CALCOCO2: variants seen among roughly 807,000 people sequenced by gnomAD.
The protein encoded by CALCOCO2 is calcium binding and coiled-coil domain 2, also known as calcium-binding and coiled-coil domain-containing protein 2.
A neutral mutation model predicts 62.5 loss-of-function variants in CALCOCO2; 42 were observed. The ratio of observed to expected loss-of-function variants is 0.67; its 90% CI spans 0.53 to 0.87. The LOEUF is 0.87. Ranked by LOEUF, CALCOCO2 falls within the 40% of genes least tolerant of loss-of-function variation. CALCOCO2 has a pLI of 0.00. For missense variants in CALCOCO2, 456 were observed against 515.0 expected, an observed-to-expected ratio of 0.89 and a Z score of 1.11; for synonymous variants, 167 against 173.0, an observed-to-expected ratio of 0.97 and a Z score of 0.27.
chr17:48,865,014 C>T lies in CALCOCO2; in HGVS notation c.*2009C>T, dbSNP rs1240987577. On this transcript the variant is annotated 3_prime_UTR_variant, in exon 13 of 13. Coordinates refer to ENST00000258947, the MANE Select transcript of CALCOCO2 (RefSeq NM_005831.5). ...AATCCAAATCAGTGAATACCATTTT[C>T]TGGTGAATTACCCACCCCTTTGCCC... 6.6e-6 allele frequency: 1 copy of T among 152,180 alleles called. No homozygotes were observed. The highest frequency in any genetic ancestry group is 1.5e-5 in the Non-Finnish European group (1 of 68,042). The allele number at this position is 152,180 out of a possible 1,614,324, so 9.4% of individuals were successfully genotyped here. A position where few individuals can be genotyped will look rare whatever the true frequency, so the allele number is the denominator to read the frequency against.
chr17:48,858,215 C>G (rs559228045), intron 10 of CALCOCO2, among the ~76,000 whole-genome samples: 1 of 152,098 alleles, frequency 6.6e-6, no homozygotes, highest in Admixed American at 6.6e-5. Context: ...CCCTCACTTT[C>G]TACTTTTGAT....
intron 2 of CALCOCO2, among the ~76,000 whole-genome samples, chr17:48,843,301 T>A (rs993455474): frequency 2.6e-5 from 4 of 152,178 alleles, no homozygotes; most frequent in Non-Finnish European, 4.4e-5. Context: ...TACACCATAA[T>A]GACAAATCTT....
chr17:48,836,432 G>A (rs1248882990), intron 1 of CALCOCO2, among the ~76,000 whole-genome samples: 1 of 152,168 alleles, frequency 6.6e-6, no homozygotes, highest in Non-Finnish European at 1.5e-5. Context: ...TAGCCCCAGA[G>A]TCACCCTTAC....
chr17:48,832,276 C>T lies in CALCOCO2; in HGVS notation c.-11+1198C>T, dbSNP rs139037207. 9.5e-4 allele frequency among the ~76,000 whole-genome samples: 144 copies of T among 152,310 alleles called. 2 individuals are homozygous for T. The East Asian group carries it at 0.016, about 17-fold the overall frequency. Reference sequence around the variant, plus strand: ...GAGCGTGGTGGCGGGCGCCTGTAATCCCAGCTACTTGGGAGGCTGAGGCAG... The same window carrying T: ...GAGCGTGGTGGCGGGCGCCTGTAATTCCAGCTACTTGGGAGGCTGAGGCAG... On this transcript the variant is annotated intron_variant, in intron 1 of 12. Transcript: ENST00000258947.
chr17:48,841,839 C>A lies in CALCOCO2; in HGVS notation c.132C>A (p.Phe44Leu), dbSNP rs200318833. Residue 44 changes from phenylalanine to leucine, a missense_variant, in exon 2 of 13, where the codon TTC becomes TTA. Coordinates refer to ENST00000258947, the MANE Select transcript of CALCOCO2 (RefSeq NM_005831.5). ...GGGACGTCACATGTCATTATACCTT[C>A]ACCCAGCATTTCATCCCTCGTCGAA... The part of the protein sequence containing the change: ...PGGDVTCHYT[F>L]TQHFIPRRKD... 1 of 1,613,244 alleles carries A rather than the reference C, an allele frequency of 6.2e-7. No homozygotes were observed. Among genetic ancestry groups the A allele is most frequent in the South Asian group, 1.1e-5 (1 of 90,960 alleles).
At chr17:48,846,088 T>C (rs2040049510) in intron 2 of CALCOCO2, 1 of 1,410,324 alleles carries the variant, frequency 7.1e-7, no homozygotes, top group Non-Finnish European at 9.6e-7. Context: ...TGGTAGTATC[T>C]GGCACCAGGT....
chr17:48,842,044 T>A, intron 2 of CALCOCO2, 157 bp downstream of exon 2: 1 of 467,936 alleles, frequency 2.1e-6, no homozygotes, highest in Non-Finnish European at 3.8e-6. Flanking sequence ...CTTCACACAT[T>A]AATGTGTGCT....
chr17:48,839,637 C>T (rs1244091233), intron 1 of CALCOCO2: 1 of 147,014 alleles, frequency 6.8e-6, no homozygotes, highest in Non-Finnish European at 1.5e-5. Context: ...GTGTAAGCCA[C>T]AGTGCCCGGC....
At chr17:48,850,400 T>A (rs923545874) in intron 5 of CALCOCO2, among the ~76,000 whole-genome samples, 1 of 152,148 alleles carries the variant, frequency 6.6e-6, no homozygotes, top group African/African-American at 2.4e-5. Context: ...GAGATTGCAG[T>A]GAGCCAAGAT....
chr17:48,856,906 G>A (rs763093392), intron 10 of CALCOCO2, among the ~76,000 whole-genome samples: 1 of 151,068 alleles, frequency 6.6e-6, no homozygotes, highest in African/African-American at 2.4e-5. Context: ...TCAAGTGATC[G>A]TCCTGCCACA....
At chr17:48,853,065 G>A in intron 9 of CALCOCO2, 53 bp downstream of exon 9, 1 of 1,227,278 alleles carries the variant, frequency 8.1e-7, no homozygotes, top group South Asian at 1.2e-5. Flanking sequence ...GGATGTAGAA[G>A]AAAAGGATAT....
chr17:48,863,244 C>T lies in CALCOCO2; in HGVS notation c.*239C>T, dbSNP rs995939527. 8.8e-6 allele frequency: 4 copies of T among 453,872 alleles called. No homozygotes were observed. Among genetic ancestry groups the T allele is most frequent in the Admixed American group, 3.4e-5 (1 of 29,282 alleles). The allele number at this position is 453,872 out of a possible 1,614,324, so 28.1% of individuals were successfully genotyped here. A position where few individuals can be genotyped will look rare whatever the true frequency, so the allele number is the denominator to read the frequency against. On this transcript the variant is annotated 3_prime_UTR_variant, in exon 13 of 13. Transcript: ENST00000258947. ...TAACTCTAGCTGTATCATCCTCTCA[C>T]CTGTCATTCTTCTGAGGGTCTCAGT... is the stretch of plus-strand genomic sequence containing the variant.
intron 3 of CALCOCO2, 35 bp from the exon 4 acceptor site, chr17:48,848,287 C>G (rs2040080270): frequency 1.9e-6 from 3 of 1,605,524 alleles, no homozygotes; most frequent in Non-Finnish European, 2.6e-6. Flanking sequence ...CTGAATAGAT[C>G]TTATTTTGGA....
chr17:48,853,283 C>A, intron 9 of CALCOCO2: 1 of 361,146 alleles, frequency 2.8e-6, no homozygotes, highest in East Asian at 5.4e-5. Flanking sequence ...AGGGCTCACA[C>A]AGAATAACCC....
chr17:48,861,174 C>T (rs976574824), intron 11 of CALCOCO2, among the ~76,000 whole-genome samples: 1 of 152,022 alleles, frequency 6.6e-6, no homozygotes. Flanking sequence ...TCGAGACAAG[C>T]GTGGCTAACG....
In CALCOCO2 at chr17:48,851,131, C is replaced by A; in HGVS notation, c.586C>A (p.Leu196Met). 1 of 1,611,426 alleles carries A rather than the reference C, an allele frequency of 6.2e-7. No homozygotes were observed. The highest frequency in any genetic ancestry group is 8.5e-7 in the Non-Finnish European group (1 of 1,177,710). ...TLQSINKKLE[L>M]KVKEQKDYWE... ...ACAGAGCATCAATAAGAAGTTGGAACTGAAAGTGAAAGAACAGAAGGACTA... is the reference window on the plus strand; with the variant it reads ...ACAGAGCATCAATAAGAAGTTGGAAATGAAAGTGAAAGAACAGAAGGACTA... Residue 196 changes from leucine to methionine, a missense_variant, in exon 6 of 13, where the codon CTG (leucine) becomes ATG (methionine). Leu to Met is a conservative substitution (Grantham distance 15). Around this residue, in one of 3 missense-constraint regions of CALCOCO2, gnomAD observed 236 missense variants for 225.3 expected, o/e 1.05. Coordinates refer to ENST00000258947, the MANE Select transcript of CALCOCO2 (RefSeq NM_005831.5).
Position 48,854,378 on chromosome 17 carries a change from T to TTTTATATATATA in CALCOCO2, c.912+1367_912+1368insTTATATATATAT, listed in dbSNP as rs1489635512. On this transcript the variant is annotated intron_variant, in intron 9 of 12. Coordinates refer to ENST00000258947, the MANE Select transcript of CALCOCO2 (RefSeq NM_005831.5). ...AGGTATGGATTTCCTTGGTTTTCTT[T>TTTTATATATATA]TATTTATATATATATATATTTTTTT... Among the ~76,000 whole-genome samples, 33 of 12,148 alleles carry TTTTATATATATA rather than the reference T, an allele frequency of 2.7e-3. 2 individuals carry two copies. The highest frequency in any genetic ancestry group is 3.5e-3 in the Non-Finnish European group (14 of 4,006). 8.0% of individuals were successfully genotyped at this position (12,148 alleles called of 152,430 possible).
At chr17:48,862,215 C>T in intron 11 of CALCOCO2, 61 bp from the exon 12 acceptor site, 2 of 1,062,652 alleles carry the variant, frequency 1.9e-6, no homozygotes, top group Non-Finnish European at 1.5e-6. Context: ...TGCCAGAACA[C>T]AGTTGGAGAA....
intron 7 of CALCOCO2, 68 bp from the exon 8 acceptor site, chr17:48,852,438 A>T (rs943775458): frequency 1.4e-6 from 2 of 1,407,882 alleles, no homozygotes; most frequent in Non-Finnish European, 2.0e-6. Flanking sequence ...ATTGTACGTT[A>T]AAAAGCATTG....
Sources: allele counts gnomAD v4.1 joint callset (sites outside exome capture counted in the v4.1 genomes callset), GRCh38; gene constraint gnomAD v4.1.1; regional missense constraint gnomAD v4.1.1; transcripts MANE v1.5; gene names NCBI Gene and HGNC (gene_info 2026-07-23, HGNC 2026-07-21).